The following ATP6V0D2 variants were observed in gnomAD, a reference collection of about 807,000 sequenced individuals.
The protein encoded by ATP6V0D2 is V-type proton ATPase subunit d 2.
A neutral mutation model predicts 40.0 loss-of-function variants in ATP6V0D2; 40 were observed. That is an observed-to-expected ratio of 1.00 (90% confidence interval 0.78 to 1.30). The LOEUF (loss-of-function observed/expected upper bound fraction) is 1.30, where lower values mean the gene tolerates loss of function less well. ATP6V0D2 is among the 50% of genes most tolerant of loss of function. ATP6V0D2 has a pLI of 0.00. For synonymous variants in ATP6V0D2, 179 were observed against 156.3 expected (o/e 1.15, Z -1.08); for missense variants, 470 against 423.1 (o/e 1.11, Z -0.97).
rs1476065958 is a variant in ATP6V0D2 at position 86,113,763 on chromosome 8, C to A, written c.185C>A (p.Thr62Lys). 1.9e-6 allele frequency: 3 copies of A among 1,613,098 alleles called. No homozygotes were observed. Among genetic ancestry groups the A allele is most frequent in the African/African-American group, 1.3e-5 (1 of 74,878 alleles). ...TDYGNFLANH[T>K]NPLTVSKIDT... ...TATGGTAACTTTTTGGCTAATCACA[C>A]AAATCCTCTTACTGTTTCCAAAATT... Residue 62 changes from threonine (T) to lysine (K), a missense_variant, in exon 2 of 8, where the codon ACA becomes AAA. Thr to Lys is a moderately conservative substitution (Grantham distance 78, BLOSUM62 -1). Coordinates refer to ENST00000285393, the MANE Select transcript of ATP6V0D2 (RefSeq NM_152565.1).
intron 3 of ATP6V0D2, among the ~76,000 whole-genome samples, chr8:86,140,800 C>T (rs550703231): frequency 7.9e-5 from 12 of 152,144 alleles, no homozygotes; most frequent in South Asian, 2.1e-4. Context: ...GGGATGGTTT[C>T]GGGATGATTC....
Position 86,152,919 on chromosome 8 carries a change from C to A in ATP6V0D2, c.995C>A (p.Ala332Glu), listed in dbSNP as rs751331505. ...GAAATTAGAAATATTGTGTGGATAG[C>A]AGAATGTATTTCACAGAGGCATCGA... is the stretch of plus-strand genomic sequence containing the variant. ...EQEIRNIVWI[A>E]ECISQRHRTK... Residue 332 changes from alanine to glutamate, a missense_variant, in exon 8 of 8, where the codon GCA becomes GAA. Coordinates refer to ENST00000285393, the MANE Select transcript of ATP6V0D2 (RefSeq NM_152565.1). The A allele has an allele frequency of 1.2e-5, 19 of 1,611,930 alleles. No individual in the cohort carries two copies. The highest frequency in any genetic ancestry group is 1.5e-5 in the Non-Finnish European group (18 of 1,179,112).
At chr8:86,109,966 C>T (rs1818511229) in intron 1 of ATP6V0D2, among the ~76,000 whole-genome samples, 1 of 152,170 alleles carries the variant, frequency 6.6e-6, no homozygotes, top group Admixed American at 6.5e-5. Flanking sequence ...GCATACCAAA[C>T]CCTCCCTAGG....
chr8:86,103,118 C>A (rs987182256), intron 1 of ATP6V0D2, among the ~76,000 whole-genome samples: 1 of 147,930 alleles, frequency 6.8e-6, no homozygotes, highest in Non-Finnish European at 1.5e-5. Context: ...TGGATTAAGT[C>A]TTTTTTTTTT....
intron 2 of ATP6V0D2, among the ~76,000 whole-genome samples, chr8:86,121,985 G>A (rs1490291320): frequency 6.6e-6 from 1 of 152,150 alleles, no homozygotes; most frequent in Non-Finnish European, 1.5e-5. Context: ...ATACTTAATA[G>A]CAGGAAGATC....
chr8:86,108,789 A>T (rs1818500687), intron 1 of ATP6V0D2, among the ~76,000 whole-genome samples: 1 of 152,174 alleles, frequency 6.6e-6, no homozygotes, highest in African/African-American at 2.4e-5. Flanking sequence ...ATAACCATGA[A>T]GTCTAACTTC....
At chr8:86,150,486 T>C (rs534888887) in intron 6 of ATP6V0D2, among the ~76,000 whole-genome samples, 198 bp downstream of exon 6, 1 of 151,376 alleles carries the variant, frequency 6.6e-6, no homozygotes, top group Non-Finnish European at 1.5e-5. Context: ...ATTTTTAAAG[T>C]TCCTGCCAAG....
chr8:86,102,862 G>T (rs1338927293), intron 1 of ATP6V0D2, among the ~76,000 whole-genome samples: 1 of 152,062 alleles, frequency 6.6e-6, no homozygotes, highest in African/African-American at 2.4e-5. Flanking sequence ...TATCTATAAA[G>T]AAATTTTAGG....
chr8:86,134,717 C>T (rs528528806), intron 2 of ATP6V0D2, among the ~76,000 whole-genome samples: 1 of 152,080 alleles, frequency 6.6e-6, no homozygotes, highest in Non-Finnish European at 1.5e-5. Flanking sequence ...AAAATCAGCA[C>T]ACAGATGTTC....
At chr8:86,123,508 A>G (rs1410848006) in intron 2 of ATP6V0D2, among the ~76,000 whole-genome samples, 1 of 152,186 alleles carries the variant, frequency 6.6e-6, no homozygotes, top group Admixed American at 6.5e-5. Context: ...ACAATAGAGG[A>G]AGCTATTTTA....
intron 7 of ATP6V0D2, among the ~76,000 whole-genome samples, 182 bp downstream of exon 7, chr8:86,151,722 T>C (rs867072470): frequency 1.3e-4 from 20 of 151,564 alleles, no homozygotes; most frequent in South Asian, 4.2e-4. Flanking sequence ...ATCTTTGTGC[T>C]AGCAGTGCTG....
At chr8:86,110,326 C>T (rs1818515449) in intron 1 of ATP6V0D2, among the ~76,000 whole-genome samples, 1 of 152,144 alleles carries the variant, frequency 6.6e-6, no homozygotes, top group African/African-American at 2.4e-5. Context: ...AACTCCTTAC[C>T]TCAAGTGATC....
intron 1 of ATP6V0D2, among the ~76,000 whole-genome samples, chr8:86,105,702 C>T (rs1023171462): frequency 3.3e-5 from 5 of 150,396 alleles, no homozygotes; most frequent in Admixed American, 6.7e-5. Context: ...GCAAGCTCCG[C>T]CTCCCAGGTT....
intron 1 of ATP6V0D2, among the ~76,000 whole-genome samples, chr8:86,112,873 G>T (rs7001674): frequency 0.51 from 77,817 of 151,876 alleles, 20,285 homozygotes; most frequent in Non-Finnish European, 0.57. Flanking sequence ...GGGACTAATC[G>T]CCTACTTCAG....
At chr8:86,115,101 T>C (rs970364706) in intron 2 of ATP6V0D2, among the ~76,000 whole-genome samples, 2 of 152,120 alleles carry the variant, frequency 1.3e-5, no homozygotes, top group African/African-American at 4.8e-5. Context: ...GCGTTGGCTG[T>C]ATGAAAGCAT....
intron 2 of ATP6V0D2, 76 bp from the exon 3 acceptor site, chr8:86,139,381 G>A (rs1818941880): frequency 8.0e-7 from 1 of 1,253,484 alleles, no homozygotes; most frequent in Non-Finnish European, 1.1e-6. Flanking sequence ...CCTAAAGAGT[G>A]TGTGTTTTTT....
chr8:86,099,140 A>AG, intron 1 of ATP6V0D2, 32 bp downstream of exon 1: 1 of 865,594 alleles, frequency 1.2e-6, no homozygotes, highest in Non-Finnish European at 1.5e-6. Flanking sequence ...CTTTAAAAAG[A>AG]AAAAAAAAAA....
intron 5 of ATP6V0D2, 41 bp downstream of exon 5, chr8:86,142,995 G>A (rs754629878): frequency 2.1e-6 from 3 of 1,402,302 alleles, no homozygotes; most frequent in South Asian, 1.3e-5. Context: ...TAAATAAGGT[G>A]CTTACATATT....
rs768097924 is a variant in ATP6V0D2 at position 86,139,462 on chromosome 8, G to A, written c.308G>A (p.Ser103Asn). The A allele has an allele frequency of 6.2e-7, 1 of 1,606,658 alleles. No homozygotes were observed. The change falls in exon 3 of 8, where the codon AGT (serine) becomes AAT (asparagine). Residue 103 changes from serine (S) to asparagine (N), a missense_variant. By Grantham distance (46) the Ser-to-Asn change is conservative (BLOSUM62 1). Coordinates refer to ENST00000285393, the MANE Select transcript of ATP6V0D2 (RefSeq NM_152565.1). ...TGAGTTGTCTTCTGAACCAGGTGCA[G>A]TTATATGATAGACAATGTGATTCTG... ...LSTFLTYMTC[S>N]YMIDNVILLM...
Sources: allele counts gnomAD v4.1 joint callset (sites outside exome capture counted in the v4.1 genomes callset), GRCh38; gene constraint gnomAD v4.1.1; transcripts MANE v1.5; gene names NCBI Gene and HGNC (gene_info 2026-07-23, HGNC 2026-07-21).